The following SLF2 variants were observed in gnomAD, a reference collection of about 807,000 sequenced individuals.
SLF2 encodes the protein SMC5/6 complex localization factor 2, also known as SMC5-SMC6 complex localization factor protein 2.
Under a neutral mutation model 124.3 loss-of-function variants are expected in SLF2, and 68 were observed. The ratio of observed to expected loss-of-function variants is 0.55; its 90% CI spans 0.45 to 0.67. The LOEUF is 0.67. Ranked by LOEUF, SLF2 falls within the 30% of genes least tolerant of loss-of-function variation. The pLI is 0.00. For missense variants in SLF2, 1,246 were observed against 1,373.7 expected (o/e 0.91, Z 1.47); for synonymous variants, 480 against 478.8 (o/e 1.00, Z -0.03).
chr10:100,931,242 T>G (rs1156888971), intron 9 of SLF2, among the ~76,000 whole-genome samples, 164 bp downstream of exon 9: 2 of 152,208 alleles, frequency 1.3e-5, no homozygotes, highest in African/African-American at 2.4e-5. Flanking sequence ...ATAAAGAGAT[T>G]ATGAAGAAAG....
At chr10:100,955,437 G>A (rs2133828690) in intron 17 of SLF2, among the ~76,000 whole-genome samples, 1 of 152,150 alleles carries the variant, frequency 6.6e-6, no homozygotes, top group East Asian at 1.9e-4. Flanking sequence ...ACATTCATAA[G>A]ATACCAACAT....
chr10:100,928,101 G>GAGAGAGAT (rs1849654972), intron 6 of SLF2, among the ~76,000 whole-genome samples: 2 of 122,744 alleles, frequency 1.6e-5, no homozygotes, highest in Non-Finnish European at 3.4e-5. Context: ...GAGAGAGAGA[G>GAGAGAGAT]AGAAAAGTTG....
chr10:100,921,793 T>C (rs1317254855), intron 4 of SLF2, among the ~76,000 whole-genome samples: 1 of 152,236 alleles, frequency 6.6e-6, no homozygotes, highest in East Asian at 1.9e-4. Flanking sequence ...GCTCATTTTT[T>C]GTAATCCCAT....
In SLF2 at chr10:100,926,456, T is replaced by A. The variant is rs780481183; in HGVS notation, c.2042+437T>A. 9 of 542,146 alleles carry A rather than the reference T, an allele frequency of 1.7e-5. No homozygotes were observed. In the East Asian group the frequency reaches 3.1e-4, roughly 18 times the overall value. 33.6% of individuals were successfully genotyped at this position (542,146 alleles called of 1,614,324 possible). On this transcript the variant is annotated intron_variant, in intron 6 of 19. Transcript: ENST00000238961. ...CCATCTCTACAAAAAATACAAAAAT[T>A]AGCCAGTCATGGTGCCACATACCTA...
At chr10:100,916,174 A>G (rs963984687) in intron 2 of SLF2, 132 bp downstream of exon 2, 1 of 645,552 alleles carries the variant, frequency 1.5e-6, no homozygotes, top group African/African-American at 1.8e-5. Flanking sequence ...ATGAAGATGC[A>G]GTATTTTGTT....
At chr10:100,939,001 G>T (rs993614644) in intron 11 of SLF2, among the ~76,000 whole-genome samples, 5 of 152,046 alleles carry the variant, frequency 3.3e-5, no homozygotes, top group African/African-American at 9.7e-5. Flanking sequence ...TTTGGTGGAA[G>T]TATTGGCCAA....
intron 1 of SLF2, 174 bp downstream of exon 1, chr10:100,913,424 G>A: frequency 7.4e-7 from 1 of 1,344,918 alleles, no homozygotes; most frequent in Non-Finnish European, 9.5e-7. Context: ...GGGAGTTGGA[G>A]TTTGCTTCTC....
chr10:100,961,388 C>A (rs1350494889), intron 19 of SLF2, among the ~76,000 whole-genome samples: 1 of 152,012 alleles, frequency 6.6e-6, no homozygotes, highest in Non-Finnish European at 1.5e-5. Flanking sequence ...GTAGCCAGGG[C>A]CTAGAAGTTG....
Position 100,961,996 on chromosome 10 carries a change from T to A in SLF2, c.*84T>A. 1 of 1,250,552 alleles carries A rather than the reference T, an allele frequency of 8.0e-7. No individual in the cohort carries two copies. Among genetic ancestry groups the A allele is most frequent in the Non-Finnish European group, 1.1e-6 (1 of 895,258 alleles). 77.5% of individuals were successfully genotyped at this position (1,250,552 alleles called of 1,614,324 possible). The stretch of plus-strand genomic sequence containing the variant: ...AGGAGTAGAAAGGATTATTACAGAA[T>A]CCAATGAATGCCAAGAAAATGTACA... On this transcript the variant is annotated 3_prime_UTR_variant, in exon 20 of 20. Coordinates refer to ENST00000238961, the MANE Select transcript of SLF2 (RefSeq NM_018121.4).
chr10:100,947,276 C>A, intron 14 of SLF2, 140 bp downstream of exon 14: 1 of 495,346 alleles, frequency 2.0e-6, no homozygotes, highest in Non-Finnish European at 3.4e-6. Flanking sequence ...CGAGAAAAGG[C>A]ATTGATAGCC....
At chr10:100,930,155 T>C (rs1389742419) in intron 8 of SLF2, among the ~76,000 whole-genome samples, 158 bp downstream of exon 8, 1 of 152,332 alleles carries the variant, frequency 6.6e-6, no homozygotes, top group Non-Finnish European at 1.5e-5. Flanking sequence ...CTTCTTTAAT[T>C]ATAGGAAGCA....
chr10:100,924,886 G>T lies in SLF2; in HGVS notation c.1885G>T (p.Ala629Ser). 6.2e-7 allele frequency: 1 copy of T among 1,614,148 alleles called. No homozygotes were observed. Among genetic ancestry groups the T allele is most frequent in the South Asian group, 1.1e-5 (1 of 91,084 alleles). Reference protein sequence around the residue: ...ETLKSLEEIMALNFNQTPAAT... With the variant: ...ETLKSLEEIMSLNFNQTPAAT... ...ATTAAAGTCACTGGAAGAAATAATG[G>T]CTTTGAACTTCAATCAGACTCCTGC... The change falls in exon 5 of 20, where the codon GCT (alanine) becomes TCT (serine). Residue 629 changes from alanine (A) to serine (S), a missense_variant. By Grantham distance (99) the Ala-to-Ser change is moderately conservative. This residue lies in a region of SLF2 where 535 missense variants were observed against 632.8 expected (regional missense o/e 0.85). Transcript: ENST00000238961.
Position 100,916,863 on chromosome 10 carries a change from G to A in SLF2, c.478G>A (p.Glu160Lys). 1 of 1,614,144 alleles carries A rather than the reference G, an allele frequency of 6.2e-7. No homozygotes were observed. Among genetic ancestry groups the A allele is most frequent in the Non-Finnish European group, 8.5e-7 (1 of 1,180,034 alleles). Residue 160 changes from glutamate (E) to lysine (K), a missense_variant, in exon 3 of 20, where the codon GAG (glutamate) becomes AAG (lysine). Physicochemically the swap from Glu to Lys is moderately conservative, Grantham distance 56. Around this residue, in one of 3 missense-constraint regions of SLF2, gnomAD observed 698 missense variants for 708.9 expected, o/e 0.98. Transcript: ENST00000238961. ...TCCTTCTTCATATCACTTGCCAAAG[G>A]AGATGAAGTCACTAAAGAAAAAACA... ...YVPSSYHLPK[E>K]MKSLKKKHRS...
intron 9 of SLF2, among the ~76,000 whole-genome samples, chr10:100,934,986 T>TAA (rs1849815669): frequency 6.6e-6 from 1 of 152,126 alleles, no homozygotes; most frequent in Admixed American, 6.6e-5. Context: ...AAAAAGATAA[T>TAA]AATAGAAATA....
chr10:100,959,328 TG>T, intron 18 of SLF2, 99 bp from the exon 19 acceptor site: 1 of 1,050,846 alleles, frequency 9.5e-7, no homozygotes. Context: ...TTGTTGAGTG[TG>T]GGCCTGTTGC....
rs997568325 is a variant in SLF2, at chr10:100,937,410, A to C, written c.2445A>C (p.Ser815=). ...TTCTCTGCTTTTGACAGATGATGTC[A>C]GTTCATACAGACTGTATTGTGTCAG... ...PVLKWLFRMM[S]VHTDCIVSVQ... The change falls in exon 10 of 20, where the codon TCA becomes TCC. Residue 815 remains serine (S), a synonymous_variant. Coordinates refer to ENST00000238961, the MANE Select transcript of SLF2 (RefSeq NM_018121.4). The C allele has an allele frequency of 5.0e-6, 8 of 1,607,638 alleles. No homozygotes were observed. The highest frequency in any genetic ancestry group is 4.0e-5 in the African/African-American group (3 of 74,770).
intron 15 of SLF2, 96 bp from the exon 16 acceptor site, chr10:100,949,980 G>A: frequency 8.4e-7 from 1 of 1,185,732 alleles, no homozygotes; most frequent in Non-Finnish European, 1.1e-6. Flanking sequence ...TATAATAAAA[G>A]GACAAAATGA....
At chr10:100,946,181 G>C (rs1181039862) in intron 13 of SLF2, among the ~76,000 whole-genome samples, 2 of 152,108 alleles carry the variant, frequency 1.3e-5, no homozygotes, top group Non-Finnish European at 2.9e-5. Flanking sequence ...GTATCACTTT[G>C]CTTCAATAAT....
At position 100,926,091 on chromosome 10, in the gene SLF2, C is replaced by G. The variant is rs772863137; in HGVS notation, c.2042+72C>G. 15 of 1,612,182 alleles carry G rather than the reference C, an allele frequency of 9.3e-6. No homozygotes were observed. In the East Asian group the frequency reaches 2.5e-4, roughly 26 times the overall value. ...TTTGTGTGGCTTACTTTTAATTTACCTTTTTTAAAAAATCATGAGAAATTA... is the reference window on the plus strand; with the variant it reads ...TTTGTGTGGCTTACTTTTAATTTACGTTTTTTAAAAAATCATGAGAAATTA... On this transcript the variant is annotated intron_variant, in intron 6 of 19. Coordinates refer to ENST00000238961, the MANE Select transcript of SLF2 (RefSeq NM_018121.4).
Sources: gnomAD v4.1 joint callset for allele counts (sites outside exome capture counted in the v4.1 genomes callset) on GRCh38, gnomAD v4.1.1 for gene constraint, gnomAD v4.1.1 regional missense constraint, MANE v1.5 for transcripts, NCBI Gene and HGNC (gene_info 2026-07-23, HGNC 2026-07-21) for gene names.